EML1: variants seen among roughly 807,000 people sequenced by gnomAD.
EML1 encodes echinoderm microtubule-associated protein-like 1.
In EML1, 27 loss-of-function variants were observed where a neutral mutation model predicts 110.4. The ratio of observed to expected loss-of-function variants is 0.24; its 90% CI spans 0.18 to 0.34. The LOEUF (loss-of-function observed/expected upper bound fraction) is 0.34. Among genes scored for constraint, EML1 ranks in the 10% least tolerant of loss-of-function variants. The pLI is 1.00. For missense variants in EML1, 741 were observed against 1,030.9 expected, an observed-to-expected ratio of 0.72 and a Z score of 3.85; for synonymous variants, 344 against 385.8, an observed-to-expected ratio of 0.89 and a Z score of 1.27.
chr14:99,939,554 C>G lies in EML1; in HGVS notation c.2322+227C>G, dbSNP rs1441326535. On this transcript the variant is annotated intron_variant, in intron 21 of 21. Transcript: ENST00000262233. This position sits in a 1 kb window ranked among gnomAD's most constrained non-coding sequence, Gnocchi z 4.2. ...GAGCTGCTCATCCACCTCTGCAGCCCCACAGGCTCACGACCCCGCCCTCCC... is the reference window on the plus strand; with the variant it reads ...GAGCTGCTCATCCACCTCTGCAGCCGCACAGGCTCACGACCCCGCCCTCCC... Among the ~76,000 whole-genome samples the G allele has an allele frequency of 2.0e-5, 3 of 152,128 alleles. No homozygotes were observed. The highest frequency in any genetic ancestry group is 4.4e-5 in the Non-Finnish European group (3 of 68,026).
chr14:99,853,261 C>T (rs72710004), intron 2 of EML1, among the ~76,000 whole-genome samples: 2,907 of 152,324 alleles, frequency 0.019, 41 homozygotes, highest in Non-Finnish European at 0.027. Flanking sequence ...AAAAAAGATT[C>T]ACAAGAAAGC....
intron 1 of EML1, among the ~76,000 whole-genome samples, chr14:99,846,816 G>T (rs1254872179): frequency 1.3e-5 from 2 of 152,084 alleles, no homozygotes; most frequent in East Asian, 1.9e-4. Context: ...CTTCAAAAGA[G>T]ATACTCATTT....
upstream of EML1, among the ~76,000 whole-genome samples, chr14:99,770,745 CCTTT>C (rs1458976183): frequency 1.3e-5 from 2 of 150,308 alleles, no homozygotes; most frequent in African/African-American, 2.5e-5. Flanking sequence ...TAATTTCTTC[CCTTT>C]CTTACTCTTC....
intron 1 of EML1, among the ~76,000 whole-genome samples, chr14:99,758,487 G>GGGCAGAT (rs2057280954): frequency 6.6e-6 from 1 of 152,190 alleles, no homozygotes; most frequent in South Asian, 2.1e-4. Context: ...TCAGGGCAGA[G>GGGCAGAT]GTTTCAGTCT....
intron 2 of EML1, among the ~76,000 whole-genome samples, chr14:99,855,387 T>G (rs2058885381): frequency 6.6e-6 from 1 of 152,184 alleles, no homozygotes; most frequent in African/African-American, 2.4e-5. Context: ...GAATCTGAGG[T>G]CAACAGCAGG....
chr14:99,769,389 T>C (rs2057399942), upstream of EML1, among the ~76,000 whole-genome samples: 1 of 152,164 alleles, frequency 6.6e-6, no homozygotes, highest in Non-Finnish European at 1.5e-5. Context: ...CCTTTGGAAG[T>C]GGAAGCACAC....
intron 1 of EML1, among the ~76,000 whole-genome samples, chr14:99,740,475 A>G (rs943759441): frequency 1.3e-5 from 2 of 152,204 alleles, no homozygotes; most frequent in Non-Finnish European, 2.9e-5. Context: ...AGAGAAAAAC[A>G]TAGTGCCTTG....
Position 99,936,610 on chromosome 14 carries a change from C to A in EML1, c.2095+276C>A, listed in dbSNP as rs755469524. On this transcript the variant is annotated intron_variant, in intron 19 of 21. Transcript: ENST00000262233. The surrounding 1 kb of genome is among the most constrained non-coding windows in gnomAD (Gnocchi z 5.5). ...AAGCCCTGCAGAGGGGGGCTTGGGGCAGGCGGATGTGGCAGAAGGGGGCGG... is the reference window on the plus strand; with the variant it reads ...AAGCCCTGCAGAGGGGGGCTTGGGGAAGGCGGATGTGGCAGAAGGGGGCGG... 2.0e-5 allele frequency among the ~76,000 whole-genome samples: 3 copies of A among 152,160 alleles called. No homozygotes were observed. The highest frequency in any genetic ancestry group is 2.9e-5 in the Non-Finnish European group (2 of 67,978).
intron 17 of EML1, among the ~76,000 whole-genome samples, chr14:99,928,717 C>T (rs2060313103): frequency 6.6e-6 from 1 of 152,186 alleles, no homozygotes; most frequent in Non-Finnish European, 1.5e-5. Flanking sequence ...TCAACTCTGC[C>T]TCACAGTGGG....
At chr14:99,812,305 A>G (rs1226665737) in intron 1 of EML1, among the ~76,000 whole-genome samples, 1 of 151,834 alleles carries the variant, frequency 6.6e-6, no homozygotes, top group Non-Finnish European at 1.5e-5. Context: ...GTGCCCAACC[A>G]AAGACATTCA....
chr14:99,738,719 G>T (rs1414196174), intron 1 of EML1, among the ~76,000 whole-genome samples: 1 of 152,240 alleles, frequency 6.6e-6, no homozygotes, highest in South Asian at 2.1e-4. Flanking sequence ...ATGATATTGT[G>T]TGAAAGCGCC....
At chr14:99,740,202 C>T (rs114233557) in intron 1 of EML1, among the ~76,000 whole-genome samples, 45 of 152,224 alleles carry the variant, frequency 3.0e-4, no homozygotes, top group African/African-American at 8.4e-4. Context: ...TCAGCTCCAC[C>T]GTGTAACTAA....
intron 1 of EML1, among the ~76,000 whole-genome samples, chr14:99,831,241 G>A (rs1327229408): frequency 2.0e-5 from 3 of 152,204 alleles, no homozygotes; most frequent in Non-Finnish European, 2.9e-5. Flanking sequence ...CTTTGAAGTG[G>A]AAAGGCAAAT....
chr14:99,913,846 T>A (rs574331424), intron 13 of EML1, among the ~76,000 whole-genome samples: 1 of 151,830 alleles, frequency 6.6e-6, no homozygotes, highest in Non-Finnish European at 1.5e-5. Flanking sequence ...CCCACCACCA[T>A]GCCCAGCTAA....
chr14:99,775,357 T>C (rs1270220538), intron 1 of EML1, among the ~76,000 whole-genome samples: 1 of 152,006 alleles, frequency 6.6e-6, no homozygotes. Context: ...AAAGGGCATA[T>C]GACAGGGAGG....
Position 99,793,468 on chromosome 14 carries a change from G to A in EML1, c.-9G>A, listed in dbSNP as rs1387596127. ...GGCCGGGGAGCGGGCGCGGCCCGGC[G>A]GCCTCAGCATGGAGGACGGCTTCTC... On this transcript the variant is annotated 5_prime_UTR_variant, in exon 1 of 22. Coordinates refer to ENST00000262233, the MANE Select transcript of EML1 (RefSeq NM_004434.3). The A allele has an allele frequency of 9.5e-7, 1 of 1,048,236 alleles. No homozygotes were observed. The highest frequency in any genetic ancestry group is 1.2e-6 in the Non-Finnish European group (1 of 868,590). The allele number at this position is 1,048,236 out of a possible 1,614,324, so 64.9% of individuals were successfully genotyped here.
chr14:99,843,798 G>C (rs1186348737), intron 1 of EML1, among the ~76,000 whole-genome samples: 1 of 152,170 alleles, frequency 6.6e-6, no homozygotes, highest in Non-Finnish European at 1.5e-5. Flanking sequence ...ACCTTCCCAG[G>C]TAGGTGTGTG....
At chr14:99,880,014 A>T (rs1335759647) in intron 4 of EML1, among the ~76,000 whole-genome samples, 1 of 152,164 alleles carries the variant, frequency 6.6e-6, no homozygotes, top group African/African-American at 2.4e-5. Context: ...CTGGGTAAAT[A>T]TTTCCATAGA....
intron 17 of EML1, among the ~76,000 whole-genome samples, chr14:99,925,585 G>A (rs2060219215): frequency 6.6e-6 from 1 of 152,128 alleles, no homozygotes; most frequent in South Asian, 2.1e-4. Context: ...ATGAATGATT[G>A]GGCAGAGGTT....
Sources: allele counts gnomAD v4.1 joint callset (sites outside exome capture counted in the v4.1 genomes callset), GRCh38; gene constraint gnomAD v4.1.1; non-coding constraint Gnocchi (gnomAD v3.1); transcripts MANE v1.5; gene names NCBI Gene and HGNC (gene_info 2026-07-23, HGNC 2026-07-21).